The following ERG variants were observed in gnomAD, a reference collection of about 807,000 sequenced individuals.
The protein encoded by ERG is transcriptional regulator ERG.
Under a neutral mutation model 55.3 loss-of-function variants are expected in ERG, and 9 were observed. That is an observed-to-expected ratio of 0.16 (90% confidence interval 0.10 to 0.28). The LOEUF is 0.28. Ranked by LOEUF, ERG falls within the 10% of genes least tolerant of loss-of-function variation. The pLI is 1.00. For synonymous variants in ERG, 223 were observed against 237.3 expected (o/e 0.94, Z 0.55); for missense variants, 434 against 631.6 (o/e 0.69, Z 3.35).
chr21:38,596,058 G>C (rs865921936), intron 1 of ERG, among the ~76,000 whole-genome samples: 2 of 13,848 alleles, frequency 1.4e-4, no homozygotes, highest in South Asian at 3.6e-3. Context: ...TGTGGGATTG[G>C]GGGGGGGGGG....
intron 2 of ERG, among the ~76,000 whole-genome samples, chr21:38,504,586 C>G (rs2059446284): frequency 6.6e-6 from 1 of 152,198 alleles, no homozygotes; most frequent in Admixed American, 6.5e-5. Flanking sequence ...GTCCGTATAA[C>G]TGGGTATATC....
At chr21:38,505,875 C>G (rs2146710107) in intron 2 of ERG, among the ~76,000 whole-genome samples, 1 of 152,272 alleles carries the variant, frequency 6.6e-6, no homozygotes, top group Non-Finnish European at 1.5e-5. Context: ...CTAGAGGGTG[C>G]TAAATGCCCC....
At chr21:38,398,558 GACC>G (rs1988336303) in intron 6 of ERG, among the ~76,000 whole-genome samples, 1 of 152,172 alleles carries the variant, frequency 6.6e-6, no homozygotes, top group African/African-American at 2.4e-5. Flanking sequence ...GCCCATGGAA[GACC>G]ACCATCAGAG....
chr21:38,474,918 C>T (rs958626340), intron 1 of ERG, among the ~76,000 whole-genome samples: 3 of 152,136 alleles, frequency 2.0e-5, no homozygotes, highest in African/African-American at 7.2e-5. Context: ...CATTTAATAA[C>T]GTGATCACAG....
downstream of ERG, among the ~76,000 whole-genome samples, chr21:38,376,141 T>A (rs933937533): frequency 6.6e-6 from 1 of 152,158 alleles, no homozygotes; most frequent in Non-Finnish European, 1.5e-5. Context: ...ACAGTGTTGG[T>A]TTAAAATCCA....
intron 1 of ERG, among the ~76,000 whole-genome samples, chr21:38,644,461 C>A (rs548149397): frequency 1.5e-3 from 230 of 152,238 alleles, no homozygotes; most frequent in African/African-American, 5.3e-3. Context: ...AAACAAGAGC[C>A]TTCCCAAACA....
At chr21:38,626,588 T>C (rs1361991545) in intron 1 of ERG, among the ~76,000 whole-genome samples, 2 of 152,148 alleles carry the variant, frequency 1.3e-5, no homozygotes, top group Non-Finnish European at 2.9e-5. Context: ...TCAAATTATA[T>C]GAAAATCTGA....
chr21:38,408,281 A>G (rs1988867523), intron 3 of ERG, among the ~76,000 whole-genome samples: 1 of 152,198 alleles, frequency 6.6e-6, no homozygotes, highest in Admixed American at 6.5e-5. Flanking sequence ...TGAAGCACAC[A>G]GTCCTTTGTT....
At chr21:38,483,183 G>C (rs1006709581) in intron 1 of ERG, among the ~76,000 whole-genome samples, 1 of 152,174 alleles carries the variant, frequency 6.6e-6, no homozygotes, top group African/African-American at 2.4e-5. Flanking sequence ...CAAATATGCA[G>C]GGTGAACAAG....
chr21:38,631,069 TTGGC>T (rs1278269724), intron 1 of ERG, among the ~76,000 whole-genome samples: 2 of 152,248 alleles, frequency 1.3e-5, no homozygotes, highest in African/African-American at 4.8e-5. Flanking sequence ...GCATTCAGCC[TTGGC>T]AGAAACCAGG....
the ERG span, among the ~76,000 whole-genome samples, chr21:38,369,110 A>G: frequency 6.6e-6 from 1 of 152,178 alleles, no homozygotes; most frequent in Admixed American, 6.5e-5. Flanking sequence ...AGAATGTTTT[A>G]TACTCCTTTG....
chr21:38,607,030 A>C (rs2060200542), intron 1 of ERG, among the ~76,000 whole-genome samples: 1 of 152,222 alleles, frequency 6.6e-6, no homozygotes, highest in African/African-American at 2.4e-5. Context: ...ACAAAGTATT[A>C]AAAGTGACCA....
chr21:38,638,200 A>G (rs2060402087), intron 1 of ERG, among the ~76,000 whole-genome samples: 1 of 152,224 alleles, frequency 6.6e-6, no homozygotes, highest in African/African-American at 2.4e-5. Flanking sequence ...AAGTCACTCC[A>G]TGATTCCATG....
intron 2 of ERG, among the ~76,000 whole-genome samples, chr21:38,546,055 A>G (rs2059785970): frequency 6.6e-6 from 1 of 151,790 alleles, no homozygotes; most frequent in Admixed American, 6.6e-5. Flanking sequence ...CTCTTTCCAT[A>G]CCCAGACTCC....
At chr21:38,618,507 C>A (rs1281635584) in intron 1 of ERG, among the ~76,000 whole-genome samples, 2 of 152,130 alleles carry the variant, frequency 1.3e-5, no homozygotes, top group Non-Finnish European at 2.9e-5. Flanking sequence ...ACTATAAGGT[C>A]CCTAAGTGGA....
intron 2 of ERG, among the ~76,000 whole-genome samples, chr21:38,560,259 T>C (rs1223404120): frequency 6.6e-6 from 1 of 152,176 alleles, no homozygotes; most frequent in Non-Finnish European, 1.5e-5. Context: ...GCTACATCCC[T>C]TTCCTGCTTC....
At chr21:38,399,254 C>T (rs1248507551) in intron 6 of ERG, among the ~76,000 whole-genome samples, 3 of 152,110 alleles carry the variant, frequency 2.0e-5, no homozygotes, top group Non-Finnish European at 4.4e-5. Flanking sequence ...TTTTCTCTGA[C>T]GTTAGAGAAG....
At chr21:38,486,209 A>G (rs1197722779) in intron 1 of ERG, among the ~76,000 whole-genome samples, 1 of 152,158 alleles carries the variant, frequency 6.6e-6, no homozygotes, top group African/African-American at 2.4e-5. Flanking sequence ...CTGGGATTAC[A>G]GGTGTGAGCC....
At chr21:38,502,861 G>T (rs962025290), upstream of ERG, among the ~76,000 whole-genome samples, 1 of 141,892 alleles carries the variant, frequency 7.0e-6, no homozygotes, top group African/African-American at 2.7e-5. Context: ...TGAGTAGCTG[G>T]GACTACAGGT....
Sources: allele counts gnomAD v4.1 joint callset (sites outside exome capture counted in the v4.1 genomes callset), GRCh38; gene constraint gnomAD v4.1.1; transcripts MANE v1.5; gene names NCBI Gene and HGNC (gene_info 2026-07-23, HGNC 2026-07-21).